VAV3: variants seen among roughly 807,000 people sequenced by gnomAD.
VAV3 encodes the protein vav guanine nucleotide exchange factor 3.
Under a neutral mutation model 131.2 loss-of-function variants are expected in VAV3, and 94 were observed. The observed-to-expected ratio is 0.72, with a 90% CI of 0.61 to 0.85. The LOEUF is 0.85. Among genes scored for constraint, VAV3 ranks in the 40% least tolerant of loss-of-function variants. VAV3 has a pLI of 0.00. For missense variants in VAV3, 939 were observed against 1,002.7 expected (o/e 0.94, Z 0.86); for synonymous variants, 349 against 342.0 (o/e 1.02, Z -0.22).
chr1:107,714,745 G>C (rs570116290), intron 15 of VAV3, among the ~76,000 whole-genome samples: 11 of 152,000 alleles, frequency 7.2e-5, no homozygotes, highest in Non-Finnish European at 1.3e-4. Context: ...GTTCAGAAGG[G>C]ACATCTTCAC....
chr1:107,704,986 G>A lies in VAV3; in HGVS notation c.1578C>T (p.Ser526=), dbSNP rs1188805843. The change falls in exon 16 of 27, where the codon TCC becomes TCT. Residue 526 remains serine, a synonymous_variant. Transcript: ENST00000370056. ...TCAGGAGCATCTGGCAGACTTTGCAGGATGTGACTCGAGTGAAGGTATGCA... is the reference window on the plus strand; with the variant it reads ...TCAGGAGCATCTGGCAGACTTTGCAAGATGTGACTCGAGTGAAGGTATGCA... ...FKMHTFTRVT[S]CKVCQMLLRG... 1.9e-6 allele frequency: 3 copies of A among 1,613,818 alleles called. No individual in the cohort carries two copies. The highest frequency in any genetic ancestry group is 3.3e-5 in the Admixed American group (2 of 59,968).
chr1:107,917,215 A>G (rs1672667154), intron 1 of VAV3, among the ~76,000 whole-genome samples: 1 of 152,114 alleles, frequency 6.6e-6, no homozygotes, highest in African/African-American at 2.4e-5. Flanking sequence ...GTACTCAAGC[A>G]TCAGCAGCGG....
intron 21 of VAV3, among the ~76,000 whole-genome samples, chr1:107,611,654 G>C (rs1179748437): frequency 6.8e-6 from 1 of 147,756 alleles, no homozygotes; most frequent in Non-Finnish European, 1.5e-5. Context: ...GGAGAGTAAA[G>C]AATTTCAAAA....
At chr1:107,625,793 C>T (rs1457609912) in intron 20 of VAV3, among the ~76,000 whole-genome samples, 1 of 152,124 alleles carries the variant, frequency 6.6e-6, no homozygotes, top group Non-Finnish European at 1.5e-5. Flanking sequence ...CTCTTAAGGG[C>T]ATGTGCACAT....
chr1:107,901,016 A>G (rs976828706), intron 1 of VAV3, among the ~76,000 whole-genome samples: 1 of 152,216 alleles, frequency 6.6e-6, no homozygotes, highest in African/African-American at 2.4e-5. Flanking sequence ...AAAATCAAAC[A>G]ATTGGCAATA....
At chr1:107,625,407 C>G (rs960997044) in intron 20 of VAV3, among the ~76,000 whole-genome samples, 3 of 152,098 alleles carry the variant, frequency 2.0e-5, no homozygotes, top group African/African-American at 7.2e-5. Flanking sequence ...GCTGGGATTA[C>G]AGGCACATAC....
At chr1:107,615,302 G>T (rs1013237030) in intron 21 of VAV3, among the ~76,000 whole-genome samples, 2 of 152,106 alleles carry the variant, frequency 1.3e-5, no homozygotes, top group Middle Eastern at 3.2e-3. Context: ...ATTATCATAC[G>T]TGAATTAACA....
intron 1 of VAV3, among the ~76,000 whole-genome samples, chr1:107,951,133 A>T (rs1044122686): frequency 1.3e-5 from 2 of 152,204 alleles, no homozygotes; most frequent in South Asian, 4.1e-4. Flanking sequence ...GATTTTTGTT[A>T]GAGACATCAC....
chr1:107,736,979 A>C lies in VAV3; in HGVS notation c.1502+11989T>G, dbSNP rs201830011. ...ATCCTACAAGGCTACAGTAACCAAA[A>C]CAGCATGGTACTGGTACCAAAACAG... On this transcript the variant is annotated intron_variant, in intron 15 of 26. Coordinates refer to ENST00000370056, the MANE Select transcript of VAV3 (RefSeq NM_006113.5). 2.0e-5 allele frequency among the ~76,000 whole-genome samples: 3 copies of C among 152,194 alleles called. No homozygotes were observed. The East Asian group carries it at 5.8e-4, about 29-fold the overall frequency.
At chr1:107,635,660 C>A (rs2101442547) in intron 20 of VAV3, among the ~76,000 whole-genome samples, 1 of 152,100 alleles carries the variant, frequency 6.6e-6, no homozygotes, top group Non-Finnish European at 1.5e-5. Flanking sequence ...TGAAACACTG[C>A]CACAAATTTG....
At chr1:107,874,835 G>A in intron 2 of VAV3, 66 bp downstream of exon 2, 1 of 1,411,262 alleles carries the variant, frequency 7.1e-7, no homozygotes, top group African/African-American at 1.4e-5. Flanking sequence ...CCTACTTCAA[G>A]ATTTGAAACA....
At chr1:107,934,426 G>C (rs2101223971) in intron 1 of VAV3, among the ~76,000 whole-genome samples, 1 of 152,256 alleles carries the variant, frequency 6.6e-6, no homozygotes, top group Admixed American at 6.5e-5. Flanking sequence ...AACAGAAACA[G>C]AACAAAACAG....
intron 2 of VAV3, among the ~76,000 whole-genome samples, chr1:107,784,890 T>A (rs1665897633): frequency 6.6e-6 from 1 of 152,144 alleles, no homozygotes; most frequent in South Asian, 2.1e-4. Context: ...ATTGTGAAAA[T>A]TAAACATTAA....
chr1:107,612,744 C>A (rs137890754), intron 21 of VAV3, among the ~76,000 whole-genome samples: 1 of 152,106 alleles, frequency 6.6e-6, no homozygotes, highest in Non-Finnish European at 1.5e-5. Flanking sequence ...AAAGTTTATA[C>A]ACAGAATTTG....
Position 107,899,716 on chromosome 1 carries a change from C to T in VAV3, c.205-24699G>A, listed in dbSNP as rs1045971067. ...ATGAAATAGGTATTGTTCCCATTCC[C>T]GCCTGGGTATTGTTCTAGGTGAGGT... On this transcript the variant is annotated intron_variant, in intron 1 of 26. Coordinates refer to ENST00000370056, the MANE Select transcript of VAV3 (RefSeq NM_006113.5). Among the ~76,000 whole-genome samples, 8 of 152,070 alleles carry T rather than the reference C, an allele frequency of 5.3e-5. No individual in the cohort carries two copies. The East Asian group carries it at 5.8e-4, about 11-fold the overall frequency.
intron 1 of VAV3, among the ~76,000 whole-genome samples, chr1:107,939,693 T>C (rs973179409): frequency 6.6e-6 from 1 of 152,104 alleles, no homozygotes; most frequent in Non-Finnish European, 1.5e-5. Context: ...TTAGCCTGAG[T>C]TTCCCAGAAA....
At chr1:107,756,077 G>A (rs1026854247) in intron 11 of VAV3, among the ~76,000 whole-genome samples, 9 of 152,120 alleles carry the variant, frequency 5.9e-5, no homozygotes, top group African/African-American at 2.2e-4. Context: ...GAGAGGTGAG[G>A]AACTAAATAG....
At chr1:107,812,465 G>A (rs2102334342) in intron 2 of VAV3, among the ~76,000 whole-genome samples, 1 of 152,060 alleles carries the variant, frequency 6.6e-6, no homozygotes, top group South Asian at 2.1e-4. Context: ...CCAAAGAATA[G>A]GAATAGTGGA....
At chr1:107,767,944 A>G (rs1376602050) in intron 7 of VAV3, among the ~76,000 whole-genome samples, 1 of 152,238 alleles carries the variant, frequency 6.6e-6, no homozygotes, top group Admixed American at 6.5e-5. Context: ...CTGGTAAATC[A>G]TAAGGAAGTA....
Sources: gnomAD v4.1 joint callset for allele counts (sites outside exome capture counted in the v4.1 genomes callset) on GRCh38, gnomAD v4.1.1 for gene constraint, MANE v1.5 for transcripts, NCBI Gene and HGNC (gene_info 2026-07-23, HGNC 2026-07-21) for gene names.